The following LUZP2 variants were observed in gnomAD, a reference collection of about 807,000 sequenced individuals.
The protein encoded by LUZP2 is leucine zipper protein 2.
LUZP2 carries 52 observed loss-of-function variants against 51.6 expected under a neutral mutation model. That is an observed-to-expected ratio of 1.01 (90% CI 0.81 to 1.27). The LOEUF (loss-of-function observed/expected upper bound fraction) is 1.27, where lower values mean the gene tolerates loss of function less well. Among genes scored for constraint, LUZP2 ranks in the 50% most tolerant of loss-of-function variants. LUZP2 has a pLI of 0.00. For synonymous variants in LUZP2, 154 were observed against 137.3 expected (o/e 1.12, Z -0.85); for missense variants, 436 against 395.4 (o/e 1.10, Z -0.87).
At chr11:25,051,489 G>A (rs1218736295) in intron 10 of LUZP2, among the ~76,000 whole-genome samples, 6 of 152,168 alleles carry the variant, frequency 3.9e-5, no homozygotes, top group South Asian at 2.1e-4. Context: ...CTTTGGGCAG[G>A]AAGGAAGATT....
At chr11:25,044,830 C>T (rs978769884) in intron 9 of LUZP2, among the ~76,000 whole-genome samples, 29 of 151,876 alleles carry the variant, frequency 1.9e-4, no homozygotes, top group African/African-American at 6.8e-4. Context: ...CAAGGATAGA[C>T]TGGATTAAGA....
chr11:24,937,802 G>A (rs1421276707), intron 7 of LUZP2, among the ~76,000 whole-genome samples: 1 of 151,802 alleles, frequency 6.6e-6, no homozygotes, highest in East Asian at 1.9e-4. Context: ...ATGGGAGGCT[G>A]AGGCAGGAAA....
intron 5 of LUZP2, among the ~76,000 whole-genome samples, chr11:24,885,624 T>C (rs1484694754): frequency 1.3e-5 from 2 of 152,132 alleles, no homozygotes; most frequent in African/African-American, 4.8e-5. Flanking sequence ...TGTATTGAAA[T>C]GTGTTGCAAT....
At chr11:24,528,500 C>T (rs1850890349) in intron 1 of LUZP2, among the ~76,000 whole-genome samples, 1 of 151,196 alleles carries the variant, frequency 6.6e-6, no homozygotes, top group South Asian at 2.1e-4. Context: ...GCATCTCTTT[C>T]TTTTTATTAT....
At chr11:24,738,432 T>A in intron 4 of LUZP2, 130 bp downstream of exon 4, 1 of 663,530 alleles carries the variant, frequency 1.5e-6, no homozygotes, top group Non-Finnish European at 2.6e-6. Flanking sequence ...GAAGCATCAG[T>A]CAATGTGAAC....
At chr11:24,789,479 G>C (rs956120118) in intron 5 of LUZP2, among the ~76,000 whole-genome samples, 1 of 152,044 alleles carries the variant, frequency 6.6e-6, no homozygotes, top group Non-Finnish European at 1.5e-5. Flanking sequence ...GCTCAAGTTG[G>C]TATTATTTTG....
Position 24,547,305 on chromosome 11 carries a change from T to G in LUZP2, c.62+50000T>G, listed in dbSNP as rs947638630. Among the ~76,000 whole-genome samples the G allele has an allele frequency of 2.2e-4, 34 of 152,016 alleles. 1 individual carries two copies. The highest frequency in any genetic ancestry group is 4.4e-4 in the Non-Finnish European group (30 of 68,004). On this transcript the variant is annotated intron_variant, in intron 1 of 11. Transcript: ENST00000336930. ...AACAAGCTGGAGGCATTACACTACCTGACTTCAAACTGTACTACAAGGCAG... is the reference window on the plus strand; with the variant it reads ...AACAAGCTGGAGGCATTACACTACCGGACTTCAAACTGTACTACAAGGCAG...
intron 1 of LUZP2, among the ~76,000 whole-genome samples, chr11:24,546,902 C>T (rs1011792370): frequency 2.2e-4 from 34 of 151,360 alleles, no homozygotes; most frequent in Non-Finnish European, 5.9e-5. Context: ...TCTATCTGGT[C>T]CTGTTTTTTG....
At chr11:24,522,774 C>CGATGATA (rs898876617) in intron 1 of LUZP2, among the ~76,000 whole-genome samples, 9 of 151,838 alleles carry the variant, frequency 5.9e-5, no homozygotes, top group Admixed American at 2.0e-4. Flanking sequence ...TTTGGGGTAT[C>CGATGATA]GATGATACTC....
At position 25,002,359 on chromosome 11, in the gene LUZP2, T is replaced by A. The variant is rs558289707; in HGVS notation, c.765+19066T>A. On this transcript the variant is annotated intron_variant, in intron 9 of 11. Transcript: ENST00000336930. ...CATCTCGGGCAGCATAAGTCTGGAC[T>A]ATAATTTGTTGGCAGTCATGCTCAA... 7.9e-5 allele frequency among the ~76,000 whole-genome samples: 12 copies of A among 152,314 alleles called. No individual in the cohort carries two copies. In the South Asian group the frequency reaches 2.5e-3, roughly 32 times the overall value.
intron 7 of LUZP2, among the ~76,000 whole-genome samples, chr11:24,951,531 A>T (rs1476101628): frequency 3.3e-5 from 5 of 151,636 alleles, no homozygotes; most frequent in Non-Finnish European, 7.4e-5. Context: ...TGTGTAAATG[A>T]ATTAACAAAG....
intron 7 of LUZP2, among the ~76,000 whole-genome samples, chr11:24,929,667 G>T (rs1306935358): frequency 6.6e-6 from 1 of 152,066 alleles, no homozygotes; most frequent in African/African-American, 2.4e-5. Context: ...AATGTTCCAT[G>T]TGCCAATGAA....
intron 7 of LUZP2, among the ~76,000 whole-genome samples, chr11:24,918,810 G>T (rs933854653): frequency 9.3e-5 from 13 of 140,150 alleles, no homozygotes; most frequent in African/African-American, 2.7e-4. Flanking sequence ...CCTGGTCATT[G>T]ATATATATAC....
At chr11:24,509,692 A>G (rs1268216020) in intron 1 of LUZP2, among the ~76,000 whole-genome samples, 1 of 151,316 alleles carries the variant, frequency 6.6e-6, no homozygotes, top group Non-Finnish European at 1.5e-5. Context: ...GCATATTTTA[A>G]TAACTATTTT....
intron 1 of LUZP2, among the ~76,000 whole-genome samples, chr11:24,545,904 C>T (rs1851524808): frequency 6.6e-6 from 1 of 151,946 alleles, no homozygotes; most frequent in Non-Finnish European, 1.5e-5. Context: ...AATATTGATT[C>T]TTCCTATCCA....
chr11:24,862,819 G>A (rs1202277381), intron 5 of LUZP2, among the ~76,000 whole-genome samples: 2 of 152,116 alleles, frequency 1.3e-5, no homozygotes, highest in Non-Finnish European at 2.9e-5. Flanking sequence ...ATCTAATAAA[G>A]AACTTGAATT....
chr11:24,573,623 C>T (rs948804010), intron 1 of LUZP2, among the ~76,000 whole-genome samples: 5 of 151,842 alleles, frequency 3.3e-5, no homozygotes, highest in African/African-American at 7.3e-5. Flanking sequence ...GCCCCATTAG[C>T]GTGCTCTGTT....
At chr11:25,032,007 G>C (rs1171353580) in intron 9 of LUZP2, among the ~76,000 whole-genome samples, 1 of 152,010 alleles carries the variant, frequency 6.6e-6, no homozygotes, top group African/African-American at 2.4e-5. Flanking sequence ...CTAAAAATTG[G>C]ACAGGGAGGG....
chr11:24,548,186 A>G (rs969172543), intron 1 of LUZP2, among the ~76,000 whole-genome samples: 2 of 152,164 alleles, frequency 1.3e-5, no homozygotes, highest in Non-Finnish European at 2.9e-5. Flanking sequence ...TTGACCCAGC[A>G]ATTTCATTAC....
Sources: gnomAD v4.1 joint callset for allele counts (sites outside exome capture counted in the v4.1 genomes callset) on GRCh38, gnomAD v4.1.1 for gene constraint, MANE v1.5 for transcripts, NCBI Gene and HGNC (gene_info 2026-07-23, HGNC 2026-07-21) for gene names.